Variants in CDH18 observed in about 807,000 individuals in gnomAD.
The protein encoded by CDH18 is cadherin-18.
In CDH18, 31 loss-of-function variants were observed where a neutral mutation model predicts 67.9. The observed-to-expected ratio is 0.46, with a 90% CI of 0.34 to 0.62. The LOEUF (loss-of-function observed/expected upper bound fraction) is 0.62. Ranked by LOEUF, CDH18 falls within the 20% of genes least tolerant of loss-of-function variation. The probability of loss-of-function intolerance (pLI) is 0.01; values close to 1 mark genes in which losing one functional copy is unlikely to be tolerated. For missense variants in CDH18, 890 were observed against 975.5 expected, an observed-to-expected ratio of 0.91 and a Z score of 1.17; for synonymous variants, 362 against 347.2, an observed-to-expected ratio of 1.04 and a Z score of -0.48.
chr5:19,628,063 C>G (rs946966345), intron 5 of CDH18, among the ~76,000 whole-genome samples: 2 of 152,116 alleles, frequency 1.3e-5, no homozygotes, highest in South Asian at 2.1e-4. Context: ...ATAATTCCCA[C>G]GTGTTGTGGG....
At position 20,102,420 on chromosome 5, in the gene CDH18, C is replaced by A. The variant is rs565617737; in HGVS notation, c.-517-110406G>T. Among the ~76,000 whole-genome samples the A allele has an allele frequency of 1.1e-4, 17 of 152,192 alleles. No individual in the cohort carries two copies. The East Asian group carries it at 3.1e-3, about 28-fold the overall frequency. On this transcript the variant is annotated intron_variant, in intron 2 of 14. Transcript: ENST00000507958. ...AAGCGTAATCAATGGATGGCTTCCG[C>A]AAATTATGGGCTCATTACCGGCTGG...
At chr5:20,397,204 C>T (rs945583430) in intron 1 of CDH18, among the ~76,000 whole-genome samples, 11 of 152,092 alleles carry the variant, frequency 7.2e-5, no homozygotes, top group Admixed American at 5.2e-4. Context: ...GATCTTGGCT[C>T]ACGGCAACAT....
chr5:19,768,016 C>T (rs1357419123), intron 3 of CDH18, among the ~76,000 whole-genome samples: 5 of 152,148 alleles, frequency 3.3e-5, no homozygotes, highest in African/African-American at 9.7e-5. Context: ...GCCTTGAAAA[C>T]CAAGATCCAC....
intron 6 of CDH18, among the ~76,000 whole-genome samples, chr5:19,595,868 T>C (rs1435029496): frequency 6.6e-6 from 1 of 152,360 alleles, no homozygotes. Flanking sequence ...ATAAATTGTA[T>C]GTTCAACCAA....
intron 1 of CDH18, among the ~76,000 whole-genome samples, chr5:20,497,477 T>C (rs1753980219): frequency 2.6e-5 from 4 of 152,132 alleles, no homozygotes. Flanking sequence ...CAGAATGCTG[T>C]ATAAGTTTGT....
At chr5:20,146,752 A>C (rs963356145) in intron 2 of CDH18, among the ~76,000 whole-genome samples, 1 of 152,098 alleles carries the variant, frequency 6.6e-6, no homozygotes, top group South Asian at 2.1e-4. Flanking sequence ...TGAGTTAAAC[A>C]TGTATTAACT....
chr5:19,978,292 C>T (rs560518777), intron 2 of CDH18, among the ~76,000 whole-genome samples: 1 of 152,156 alleles, frequency 6.6e-6, no homozygotes, highest in African/African-American at 2.4e-5. Context: ...TTTGAGGCAA[C>T]TAGCATCCTT....
intron 2 of CDH18, among the ~76,000 whole-genome samples, chr5:19,907,910 T>TA (rs1344373355): frequency 6.6e-6 from 1 of 152,092 alleles, no homozygotes; most frequent in East Asian, 1.9e-4. Context: ...TGACTTAAAA[T>TA]AAAATAACAT....
chr5:20,287,429 T>G, intron 1 of CDH18, among the ~76,000 whole-genome samples: 1 of 151,798 alleles, frequency 6.6e-6, no homozygotes, highest in East Asian at 1.9e-4. Context: ...TAAGATTTGA[T>G]ATTTCATAAC....
At chr5:19,482,395 C>T (rs1221223041) in intron 12 of CDH18, among the ~76,000 whole-genome samples, 1 of 152,020 alleles carries the variant, frequency 6.6e-6, no homozygotes, top group Non-Finnish European at 1.5e-5. Context: ...GGATTACAGG[C>T]GTGAGCCACC....
chr5:19,661,394 A>G (rs1305947517), intron 5 of CDH18, among the ~76,000 whole-genome samples: 3 of 151,976 alleles, frequency 2.0e-5, no homozygotes, highest in Non-Finnish European at 2.9e-5. Flanking sequence ...GTGCTTGTAA[A>G]TCAAAAAGAA....
chr5:20,173,434 T>G (rs1301816000), intron 2 of CDH18, among the ~76,000 whole-genome samples: 3 of 152,096 alleles, frequency 2.0e-5, no homozygotes, highest in African/African-American at 7.2e-5. Flanking sequence ...GTTCTGAGTT[T>G]CAAAGGAGGA....
intron 1 of CDH18, among the ~76,000 whole-genome samples, chr5:20,297,493 T>C (rs1342684497): frequency 6.6e-6 from 1 of 152,202 alleles, no homozygotes; most frequent in African/African-American, 2.4e-5. Context: ...TTGTAGCCTA[T>C]GCAACGAAAG....
chr5:19,846,266 A>C (rs1393252461), intron 2 of CDH18, among the ~76,000 whole-genome samples: 1 of 152,058 alleles, frequency 6.6e-6, no homozygotes, highest in Non-Finnish European at 1.5e-5. Flanking sequence ...AATTATATTC[A>C]ATTAAATATA....
At chr5:20,557,349 T>C (rs1757959931) in intron 1 of CDH18, among the ~76,000 whole-genome samples, 1 of 151,996 alleles carries the variant, frequency 6.6e-6, no homozygotes, top group South Asian at 2.1e-4. Flanking sequence ...TATGGTTACA[T>C]GAAAACATGG....
In CDH18 at chr5:20,341,193, G is replaced by T. The variant is rs868558107; in HGVS notation, c.-579-85688C>A. ...TATTGATCCTGAGTGTGTCTGTGAG[G>T]GTGTTGCCAATGTTGATTAACATTT... On this transcript the variant is annotated intron_variant, in intron 1 of 14. Transcript: ENST00000507958. Among the ~76,000 whole-genome samples the T allele has an allele frequency of 3.9e-5, 6 of 152,072 alleles. No homozygotes were observed. In the South Asian group the frequency reaches 8.3e-4, roughly 21 times the overall value.
At chr5:20,335,673 TG>T (rs1190161339) in intron 1 of CDH18, among the ~76,000 whole-genome samples, 2 of 152,222 alleles carry the variant, frequency 1.3e-5, no homozygotes, top group African/African-American at 4.8e-5. Flanking sequence ...ATCACTTAAA[TG>T]GATAGGAACT....
intron 3 of CDH18, among the ~76,000 whole-genome samples, chr5:19,800,893 C>T (rs550674416): frequency 5.1e-4 from 77 of 152,122 alleles, no homozygotes; most frequent in Non-Finnish European, 9.4e-4. Flanking sequence ...CCGAGTCGGG[C>T]AGATTGCCTG....
intron 2 of CDH18, among the ~76,000 whole-genome samples, chr5:20,075,529 A>T (rs1198208987): frequency 6.6e-6 from 1 of 151,250 alleles, no homozygotes; most frequent in African/African-American, 2.4e-5. Context: ...AAACAAAAAA[A>T]CCTGAAGAGT....
Sources: gnomAD v4.1 joint callset for allele counts (sites outside exome capture counted in the v4.1 genomes callset) on GRCh38, gnomAD v4.1.1 for gene constraint, MANE v1.5 for transcripts, NCBI Gene and HGNC (gene_info 2026-07-23, HGNC 2026-07-21) for gene names.